The following GREM2 variants were observed in gnomAD, a reference collection of about 807,000 sequenced individuals.
GREM2 encodes the protein gremlin 2, DAN family BMP antagonist, also known as gremlin-2.
In GREM2, 11 loss-of-function variants were observed where a neutral mutation model predicts 14.2. That is an observed-to-expected ratio of 0.78 (90% CI 0.49 to 1.28). GREM2 has a LOEUF of 1.28. GREM2 is among the 50% of genes most tolerant of loss of function. The pLI, the probability that GREM2 is intolerant of heterozygous loss-of-function variation, is 0.00. For missense variants in GREM2, 210 were observed against 218.5 expected, an observed-to-expected ratio of 0.96 and a Z score of 0.24; for synonymous variants, 98 against 97.6, an observed-to-expected ratio of 1.00 and a Z score of -0.02.
At chr1:240,599,096 C>T (rs967956721) in intron 1 of GREM2, among the ~76,000 whole-genome samples, 8 of 151,984 alleles carry the variant, frequency 5.3e-5, no homozygotes, top group Non-Finnish European at 1.2e-4. Context: ...TGGCGAAACC[C>T]GATATCTACT....
intron 1 of GREM2, among the ~76,000 whole-genome samples, chr1:240,609,242 CTG>C (rs915952610): frequency 1.3e-5 from 2 of 152,010 alleles, no homozygotes; most frequent in African/African-American, 2.4e-5. Flanking sequence ...CTCTGGGACT[CTG>C]TTCTACAAAT....
intron 1 of GREM2, among the ~76,000 whole-genome samples, chr1:240,565,943 A>G (rs1679172172): frequency 6.6e-6 from 1 of 151,946 alleles, no homozygotes; most frequent in South Asian, 2.1e-4. Context: ...GGGTACAGTC[A>G]TCCTTAACTA....
intron 1 of GREM2, among the ~76,000 whole-genome samples, chr1:240,586,670 C>T (rs1045499460): frequency 6.6e-6 from 1 of 152,202 alleles, no homozygotes; most frequent in Non-Finnish European, 1.5e-5. Flanking sequence ...GATGTTTGTA[C>T]ACAGAGAATA....
intron 1 of GREM2, among the ~76,000 whole-genome samples, chr1:240,552,353 G>A (rs149372412): frequency 1.3e-5 from 2 of 152,130 alleles, no homozygotes; most frequent in African/African-American, 2.4e-5. Context: ...GGCTGAGGTG[G>A]GGGGGTCGCT....
intron 1 of GREM2, among the ~76,000 whole-genome samples, chr1:240,584,398 G>C (rs1223341646): frequency 6.6e-6 from 1 of 151,176 alleles, no homozygotes; most frequent in East Asian, 2.0e-4. Context: ...GGGAGGCTGA[G>C]GCAGAAGAAT....
intron 1 of GREM2, among the ~76,000 whole-genome samples, chr1:240,508,265 T>A (rs1677725103): frequency 1.3e-5 from 2 of 152,186 alleles, no homozygotes; most frequent in South Asian, 2.1e-4. Context: ...AGAACACACA[T>A]CTAATGTTTC....
intron 1 of GREM2, among the ~76,000 whole-genome samples, chr1:240,523,256 CTAG>C (rs1378408678): frequency 1.3e-5 from 2 of 152,190 alleles, no homozygotes; most frequent in Admixed American, 1.3e-4. Context: ...CCAGGCCTGG[CTAG>C]TAATATAATC....
At chr1:240,609,966 G>C (rs929049442) in intron 1 of GREM2, among the ~76,000 whole-genome samples, 1 of 151,952 alleles carries the variant, frequency 6.6e-6, no homozygotes, top group Non-Finnish European at 1.5e-5. Context: ...TACCTCTCTC[G>C]GTGAAGAATG....
intron 1 of GREM2, among the ~76,000 whole-genome samples, 192 bp downstream of exon 1, chr1:240,611,692 G>T (rs933669888): frequency 3.9e-5 from 6 of 152,146 alleles, no homozygotes; most frequent in African/African-American, 1.4e-4. Context: ...TTCAATAGGT[G>T]AATAAACCTT....
At position 240,599,090 on chromosome 1, in the gene GREM2, G is replaced by A. The variant is rs191555742; in HGVS notation, c.-2+12794C>T. 9.9e-4 allele frequency among the ~76,000 whole-genome samples: 150 copies of A among 152,060 alleles called. 2 individuals carry two copies. The highest frequency in any genetic ancestry group is 6.8e-3 in the Middle Eastern group (2 of 294). On this transcript the variant is annotated intron_variant, in intron 1 of 1. Transcript: ENST00000318160. Reference sequence around the variant, plus strand: ...TTGAGGCCAGCCTGGCTAACATGGCGAAACCCGATATCTACTAAAAACACA... The same window carrying A: ...TTGAGGCCAGCCTGGCTAACATGGCAAAACCCGATATCTACTAAAAACACA...
intron 1 of GREM2, among the ~76,000 whole-genome samples, chr1:240,507,172 G>A (rs985033039): frequency 1.8e-4 from 27 of 152,220 alleles, no homozygotes; most frequent in African/African-American, 6.5e-4. Context: ...CTCTGTGTGG[G>A]TAATAAGATT....
At chr1:240,532,155 C>T (rs965795342) in intron 1 of GREM2, among the ~76,000 whole-genome samples, 1 of 152,012 alleles carries the variant, frequency 6.6e-6, no homozygotes, top group East Asian at 1.9e-4. Context: ...ACGATCTCGG[C>T]TCACTGCAAC....
chr1:240,591,490 C>T (rs1179421493), intron 1 of GREM2, among the ~76,000 whole-genome samples: 16 of 152,166 alleles, frequency 1.1e-4, no homozygotes, highest in Admixed American at 9.8e-4. Flanking sequence ...GAAGAGCTTA[C>T]GTCTTTGGTA....
chr1:240,497,047 A>T (rs983876931), intron 1 of GREM2, among the ~76,000 whole-genome samples: 1 of 152,060 alleles, frequency 6.6e-6, no homozygotes, highest in African/African-American at 2.4e-5. Flanking sequence ...TGAACGAAAT[A>T]TGGATACTAT....
chr1:240,571,702 A>C (rs80094694), intron 1 of GREM2, among the ~76,000 whole-genome samples: 4,962 of 152,226 alleles, frequency 0.033, 259 homozygotes, highest in African/African-American at 0.11. Context: ...CCATCGCAAA[A>C]AAAGAAAAAG....
intron 1 of GREM2, among the ~76,000 whole-genome samples, chr1:240,502,354 G>A (rs1453954117): frequency 6.6e-6 from 1 of 152,044 alleles, no homozygotes; most frequent in Non-Finnish European, 1.5e-5. Flanking sequence ...TTTTTCCTCT[G>A]AAACTCTTGA....
Position 240,504,941 on chromosome 1 carries a change from A to G in GREM2, c.-1-11465T>C, listed in dbSNP as rs1558140076. Among the ~76,000 whole-genome samples, 4 of 152,138 alleles carry G rather than the reference A, an allele frequency of 2.6e-5. No homozygotes were observed. In the South Asian group the frequency reaches 8.3e-4, roughly 31 times the overall value. ...ATAATAGATGATATAGTTTGGATCT[A>G]TGTCCCCGCCCCAATCTTATGTCAA... On this transcript the variant is annotated intron_variant, in intron 1 of 1. Coordinates refer to ENST00000318160, the MANE Select transcript of GREM2 (RefSeq NM_022469.4).
chr1:240,588,802 T>C (rs1679650186), intron 1 of GREM2: 1 of 152,112 alleles, frequency 6.6e-6, no homozygotes, highest in South Asian at 2.1e-4. Context: ...TTTCAAAGCA[T>C]AGTTACTTAT....
At position 240,579,595 on chromosome 1, in the gene GREM2, A is replaced by G. The variant is rs375572198; in HGVS notation, c.-2+32289T>C. ...ATGGGAAAGCAAAGGTGTTTCGTTC[A>G]CTTCTCTCAGGAATTTGCAGTCTCA... On this transcript the variant is annotated intron_variant, in intron 1 of 1. Coordinates refer to ENST00000318160, the MANE Select transcript of GREM2 (RefSeq NM_022469.4). 7.2e-5 allele frequency among the ~76,000 whole-genome samples: 11 copies of G among 152,312 alleles called. No homozygotes were observed. The South Asian group carries it at 1.0e-3, about 14-fold the overall frequency.
Sources: allele counts gnomAD v4.1 joint callset (sites outside exome capture counted in the v4.1 genomes callset), GRCh38; gene constraint gnomAD v4.1.1; transcripts MANE v1.5; gene names NCBI Gene and HGNC (gene_info 2026-07-23, HGNC 2026-07-21).